The following ANKRD30BL variants were observed in gnomAD, a reference collection of about 807,000 sequenced individuals.
The protein encoded by ANKRD30BL is putative ankyrin repeat domain-containing protein 30B-like.
In ANKRD30BL, 20 loss-of-function variants were observed where a neutral mutation model predicts 18.4. That is an observed-to-expected ratio of 1.09 (90% CI 0.77 to 1.58). ANKRD30BL has a LOEUF of 1.58. Among genes scored for constraint, ANKRD30BL ranks in the 40% most tolerant of loss-of-function variants. The pLI, the probability that ANKRD30BL is intolerant of heterozygous loss-of-function variation, is 0.00. For missense variants in ANKRD30BL, 224 were observed against 268.6 expected (o/e 0.83, Z 1.16); for synonymous variants, 72 against 100.9 (o/e 0.71, Z 1.72).
chr2:132,226,954 G>C (rs1679864578), intron 1 of ANKRD30BL, among the ~76,000 whole-genome samples: 1 of 151,608 alleles, frequency 6.6e-6, no homozygotes, highest in Admixed American at 6.6e-5. Flanking sequence ...TTTTGATAGA[G>C]CAGGTTTGAA....
At chr2:132,239,492 T>A (rs973697338) in intron 1 of ANKRD30BL, among the ~76,000 whole-genome samples, 1 of 151,956 alleles carries the variant, frequency 6.6e-6, no homozygotes, top group Non-Finnish European at 1.5e-5. Flanking sequence ...CACAGAAGAA[T>A]TCTCAGAAAC....
intron 1 of ANKRD30BL, among the ~76,000 whole-genome samples, chr2:132,187,172 G>GTTTTTTTTT (rs1407000925): frequency 1.2e-5 from 1 of 80,276 alleles, no homozygotes; most frequent in Non-Finnish European, 2.8e-5. Context: ...GAAGTTTTTT[G>GTTTTTTTTT]TTTTTTTTTT....
chr2:132,195,788 CAAAAAAAAA>C lies in ANKRD30BL; in HGVS notation n.442-38651_442-38643del, dbSNP rs1205804103. On this transcript the variant is annotated intron_variant and non_coding_transcript_variant, in intron 1 of 4. Transcript: ENST00000470729. ...CCTGGGCAACAGAGTGAGCCTCTGC[CAAAAAAAAA>C]AAAAAAAAAAAAAAAGAATAAAATT... 5.5e-3 allele frequency among the ~76,000 whole-genome samples: 270 copies of C among 48,672 alleles called. 3 individuals carry two copies. The highest frequency in any genetic ancestry group is 0.013 in the African/African-American group (254 of 19,002). The allele number at this position is 48,672 out of a possible 152,430, so 31.9% of individuals were successfully genotyped here.
intron 1 of ANKRD30BL, among the ~76,000 whole-genome samples, chr2:132,179,385 T>A (rs574909896): frequency 1.1e-4 from 17 of 151,892 alleles, no homozygotes; most frequent in Admixed American, 4.6e-4. Context: ...ACCTCCCAGT[T>A]TCAAGTGATT....
At chr2:132,202,627 A>G (rs10432332) in intron 1 of ANKRD30BL, among the ~76,000 whole-genome samples, 780 of 109,412 alleles carry the variant, frequency 7.1e-3, no homozygotes, top group East Asian at 0.028. Flanking sequence ...AGTCATTGTT[A>G]ATTTGGGTAA....
chr2:132,245,438 A>C (rs1351816701), intron 1 of ANKRD30BL, among the ~76,000 whole-genome samples: 1 of 150,982 alleles, frequency 6.6e-6, no homozygotes, highest in Non-Finnish European at 1.5e-5. Context: ...AAAAAAGGAA[A>C]TATCTTCACA....
At chr2:132,156,127 T>C (rs1277837309) in intron 3 of ANKRD30BL, 7 of 151,956 alleles carry the variant, frequency 4.6e-5, no homozygotes, top group Admixed American at 1.3e-4. Flanking sequence ...CTTAGCAAAA[T>C]AGAAGCCATA....
At chr2:132,253,785 T>C (rs1680736558) in intron 1 of ANKRD30BL, among the ~76,000 whole-genome samples, 2 of 139,150 alleles carry the variant, frequency 1.4e-5, no homozygotes, top group African/African-American at 5.3e-5. Context: ...GCTAGGTACC[T>C]GGATGGCGGG....
intron 1 of ANKRD30BL, among the ~76,000 whole-genome samples, chr2:132,247,010 A>G (rs1573891575): frequency 6.6e-6 from 1 of 152,200 alleles, no homozygotes; most frequent in South Asian, 2.1e-4. Context: ...GCATTCTCAG[A>G]AACTTCTTTG....
chr2:132,235,453 C>T (rs1177177618), intron 1 of ANKRD30BL, among the ~76,000 whole-genome samples: 12 of 152,020 alleles, frequency 7.9e-5, no homozygotes, highest in Non-Finnish European at 1.5e-4. Flanking sequence ...TGTCTCAGCC[C>T]AAAATCTCCT....
chr2:132,247,162 TA>T (rs1298757110), intron 1 of ANKRD30BL, among the ~76,000 whole-genome samples: 4 of 151,526 alleles, frequency 2.6e-5, no homozygotes, highest in African/African-American at 9.7e-5. Flanking sequence ...ACATAAAAAC[TA>T]GACAGAAGCA....
chr2:132,189,187 G>C (rs575926524), intron 1 of ANKRD30BL, among the ~76,000 whole-genome samples: 29 of 152,302 alleles, frequency 1.9e-4, no homozygotes, highest in African/African-American at 6.3e-4. Flanking sequence ...TCTGCACTTA[G>C]ATGAAATTTT....
upstream of ANKRD30BL, among the ~76,000 whole-genome samples, chr2:132,165,515 A>G (rs527627230): frequency 6.6e-6 from 1 of 151,506 alleles, no homozygotes; most frequent in South Asian, 2.1e-4. Context: ...GCCACATGGT[A>G]AAATTTCCCA....
At chr2:132,218,776 A>G (rs1189713520) in intron 1 of ANKRD30BL, among the ~76,000 whole-genome samples, 2 of 151,990 alleles carry the variant, frequency 1.3e-5, no homozygotes, top group South Asian at 4.1e-4. Flanking sequence ...GAACGCTTTC[A>G]GGCCTTCATT....
intron 1 of ANKRD30BL, among the ~76,000 whole-genome samples, chr2:132,196,691 C>T (rs1425479830): frequency 6.6e-6 from 1 of 151,666 alleles, no homozygotes; most frequent in Non-Finnish European, 1.5e-5. Context: ...GAGGCTGAAG[C>T]AGGAGAGGAG....
intron 1 of ANKRD30BL, among the ~76,000 whole-genome samples, chr2:132,224,011 T>C (rs1287524420): frequency 6.6e-6 from 1 of 152,122 alleles, no homozygotes; most frequent in African/African-American, 2.4e-5. Flanking sequence ...CTTTGTGATG[T>C]GTACATTCAA....
At chr2:132,172,834 A>C (rs1041720456) in intron 1 of ANKRD30BL, among the ~76,000 whole-genome samples, 1 of 152,020 alleles carries the variant, frequency 6.6e-6, no homozygotes, top group Admixed American at 6.6e-5. Flanking sequence ...CAGCCTCCCA[A>C]GTAGCTGGGA....
chr2:132,227,270 A>T (rs1193011432), intron 1 of ANKRD30BL, among the ~76,000 whole-genome samples: 2 of 152,150 alleles, frequency 1.3e-5, no homozygotes, highest in Non-Finnish European at 1.5e-5. Flanking sequence ...TTCACTTCAC[A>T]GAGTTGAAAC....
intron 1 of ANKRD30BL, among the ~76,000 whole-genome samples, chr2:132,244,750 G>A (rs1192557206): frequency 2.6e-5 from 4 of 152,276 alleles, no homozygotes; most frequent in Admixed American, 1.3e-4. Context: ...TGTTGCAGAC[G>A]TGAATACCTT....
Sources: allele counts gnomAD v4.1 joint callset (sites outside exome capture counted in the v4.1 genomes callset), GRCh38; gene constraint gnomAD v4.1.1; transcripts MANE v1.5; gene names NCBI Gene and HGNC (gene_info 2026-07-23, HGNC 2026-07-21).